CABCOCO1: variants seen among roughly 807,000 people sequenced by gnomAD.
CABCOCO1 encodes ciliary-associated calcium-binding coiled-coil protein 1.
CABCOCO1 carries 28 observed loss-of-function variants against 35.7 expected under a neutral mutation model. That is an observed-to-expected ratio of 0.78 (90% confidence interval 0.58 to 1.07). CABCOCO1 has a LOEUF of 1.07. Ranked by LOEUF, CABCOCO1 falls within the 50% of genes least tolerant of loss-of-function variation. The pLI is 0.00. For synonymous variants in CABCOCO1, 95 were observed against 100.1 expected (o/e 0.95, Z 0.30); for missense variants, 326 against 309.2 (o/e 1.05, Z -0.41).
intron 2 of CABCOCO1, among the ~76,000 whole-genome samples, chr10:61,679,814 C>G (rs1200859549): frequency 6.6e-6 from 1 of 151,996 alleles, no homozygotes; most frequent in Non-Finnish European, 1.5e-5. Context: ...ACTATTTTAT[C>G]ATGAATTTTA....
chr10:61,729,593 A>G (rs1841253480), intron 5 of CABCOCO1, among the ~76,000 whole-genome samples: 1 of 152,168 alleles, frequency 6.6e-6, no homozygotes, highest in African/African-American at 2.4e-5. Flanking sequence ...GCCATATATG[A>G]TCCAGCAATC....
At chr10:61,720,040 C>T (rs750676229) in intron 5 of CABCOCO1, among the ~76,000 whole-genome samples, 7 of 151,842 alleles carry the variant, frequency 4.6e-5, no homozygotes, top group African/African-American at 7.3e-5. Context: ...ATAGGACTGC[C>T]GTCTCTGAAG....
At chr10:61,708,693 C>T (rs1318000917) in intron 5 of CABCOCO1, among the ~76,000 whole-genome samples, 1 of 152,054 alleles carries the variant, frequency 6.6e-6, no homozygotes, top group African/African-American at 2.4e-5. Flanking sequence ...CAAAGGCCAC[C>T]CCTCTTCATA....
intron 2 of CABCOCO1, among the ~76,000 whole-genome samples, chr10:61,676,701 A>T (rs561230582): frequency 6.6e-6 from 1 of 151,698 alleles, no homozygotes; most frequent in Non-Finnish European, 1.5e-5. Context: ...AACTTAAAAG[A>T]AAAAGTAACC....
At chr10:61,722,750 CA>C (rs200237335) in intron 5 of CABCOCO1, among the ~76,000 whole-genome samples, 1 of 150,352 alleles carries the variant, frequency 6.7e-6, no homozygotes, top group Admixed American at 6.6e-5. Flanking sequence ...AGCACCAATA[CA>C]AAAAAATACG....
chr10:61,700,621 A>T (rs2132013345), intron 5 of CABCOCO1, among the ~76,000 whole-genome samples: 1 of 152,164 alleles, frequency 6.6e-6, no homozygotes, highest in East Asian at 1.9e-4. Flanking sequence ...ATTTGTATTT[A>T]CCTTTTGAGC....
At chr10:61,724,350 T>C (rs1841093910) in intron 5 of CABCOCO1, among the ~76,000 whole-genome samples, 1 of 152,176 alleles carries the variant, frequency 6.6e-6, no homozygotes, top group Non-Finnish European at 1.5e-5. Flanking sequence ...TTCTTTCATC[T>C]GGAGAAATAA....
intron 5 of CABCOCO1, among the ~76,000 whole-genome samples, chr10:61,703,327 G>A (rs538071344): frequency 2.7e-5 from 4 of 149,420 alleles, no homozygotes; most frequent in Admixed American, 1.3e-4. Flanking sequence ...AATTTTTTTC[G>A]CCCCTATTCA....
chr10:61,672,170 A>C (rs1186535351), intron 1 of CABCOCO1, among the ~76,000 whole-genome samples: 1 of 152,154 alleles, frequency 6.6e-6, no homozygotes, highest in East Asian at 1.9e-4. Context: ...CTGTCTATAG[A>C]GTTTCCTTGT....
intron 2 of CABCOCO1, among the ~76,000 whole-genome samples, chr10:61,679,884 TAAAG>T (rs1371068880): frequency 2.0e-5 from 3 of 151,280 alleles, no homozygotes; most frequent in African/African-American, 7.3e-5. Context: ...AAGGAAGAGA[TAAAG>T]AAATAAAAGA....
At chr10:61,749,037 T>C (rs1013868332) in intron 5 of CABCOCO1, among the ~76,000 whole-genome samples, 3 of 152,222 alleles carry the variant, frequency 2.0e-5, no homozygotes, top group Non-Finnish European at 4.4e-5. Context: ...TGGTGAACAA[T>C]CGGGCTATAT....
intron 2 of CABCOCO1, among the ~76,000 whole-genome samples, chr10:61,680,644 A>T (rs1199205297): frequency 6.5e-5 from 6 of 92,122 alleles, no homozygotes; most frequent in Non-Finnish European, 1.3e-4. Context: ...ATACATATAT[A>T]ATATATATTA....
intron 3 of CABCOCO1, among the ~76,000 whole-genome samples, chr10:61,683,686 T>G (rs1329817196): frequency 1.3e-5 from 2 of 152,220 alleles, no homozygotes; most frequent in African/African-American, 2.4e-5. Context: ...TACTCTAAGT[T>G]TTCAAGAATA....
intron 5 of CABCOCO1, among the ~76,000 whole-genome samples, chr10:61,724,001 A>C (rs1841084182): frequency 6.6e-6 from 1 of 152,236 alleles, no homozygotes; most frequent in Non-Finnish European, 1.5e-5. Context: ...CCAAAACACA[A>C]AAGTCAGTAG....
intron 2 of CABCOCO1, among the ~76,000 whole-genome samples, chr10:61,680,476 T>TA (rs1839693152): frequency 2.7e-4 from 34 of 124,694 alleles, no homozygotes; most frequent in East Asian, 4.7e-4. Context: ...TAATATATAT[T>TA]TATATATATA....
chr10:61,713,626 C>T (rs561785913), intron 5 of CABCOCO1, among the ~76,000 whole-genome samples: 14 of 151,688 alleles, frequency 9.2e-5, no homozygotes, highest in Non-Finnish European at 1.6e-4. Context: ...TTGCCCATTC[C>T]GTATGATATT....
chr10:61,763,170 G>A (rs1842042503), intron 7 of CABCOCO1, among the ~76,000 whole-genome samples: 1 of 151,810 alleles, frequency 6.6e-6, no homozygotes, highest in South Asian at 2.1e-4. Flanking sequence ...AAGTCATACT[G>A]TTATTACAAT....
intron 5 of CABCOCO1, among the ~76,000 whole-genome samples, chr10:61,722,387 T>C (rs1000942122): frequency 6.6e-6 from 1 of 152,104 alleles, no homozygotes; most frequent in African/African-American, 2.4e-5. Flanking sequence ...CTGGAACAAC[T>C]CTTTAGCCAA....
intron 5 of CABCOCO1, among the ~76,000 whole-genome samples, chr10:61,700,986 G>C (rs1245803944): frequency 6.7e-6 from 1 of 149,840 alleles, no homozygotes; most frequent in Admixed American, 6.7e-5. Context: ...TACATACACA[G>C]AGAGAGAGAG....
Sources: allele counts gnomAD v4.1 joint callset (sites outside exome capture counted in the v4.1 genomes callset), GRCh38; gene constraint gnomAD v4.1.1; transcripts MANE v1.5; gene names NCBI Gene and HGNC (gene_info 2026-07-23, HGNC 2026-07-21).